CNTNAP3B: variants seen among roughly 807,000 people sequenced by gnomAD.
CNTNAP3B encodes the protein contactin-associated protein-like 3B.
CNTNAP3B carries 25 observed loss-of-function variants against 108.9 expected under a neutral mutation model. That is an observed-to-expected ratio of 0.23 (90% CI 0.17 to 0.32). The LOEUF is 0.32. Ranked by LOEUF, CNTNAP3B falls within the 10% of genes least tolerant of loss-of-function variation. The pLI, the probability that CNTNAP3B is intolerant of heterozygous loss-of-function variation, is 1.00. For synonymous variants in CNTNAP3B, 103 were observed against 473.4 expected (o/e 0.22, Z 10.16); for missense variants, 252 against 1,210.4 (o/e 0.21, Z 11.75).
rs1178007140 is a variant in CNTNAP3B at position 41,973,026 on chromosome 9, C to A, written c.1478-2781G>T. On this transcript the variant is annotated intron_variant, in intron 9 of 23. Coordinates refer to ENST00000377561, the MANE Select transcript of CNTNAP3B (RefSeq NM_001201380.3). Reference sequence around the variant, plus strand: ...GATCTCTGCTCACTGCAAGCTCCACCACCCAGGTTCACAGCATTCTCCTGC... The same window carrying A: ...GATCTCTGCTCACTGCAAGCTCCACAACCCAGGTTCACAGCATTCTCCTGC... Among the ~76,000 whole-genome samples the A allele has an allele frequency of 1.8e-3, 241 of 133,664 alleles. 1 individual carries two copies. Among genetic ancestry groups the A allele is most frequent in the African/African-American group, 6.2e-3 (211 of 34,202 alleles). 87.7% of individuals were successfully genotyped at this position (133,664 alleles called of 152,430 possible). A position where few individuals can be genotyped will look rare whatever the true frequency, so the allele number is the denominator to read the frequency against.
chr9:42,036,103 G>A (rs533898425), intron 3 of CNTNAP3B, among the ~76,000 whole-genome samples: 73 of 149,684 alleles, frequency 4.9e-4, no homozygotes, highest in Middle Eastern at 3.4e-3. Context: ...GGGAGACTCC[G>A]TCTCAAAAAA....
rs1383582979 is a variant in CNTNAP3B at position 42,095,997 on chromosome 9, T to C, written c.196+8632A>G. ...ACAACGTTTTGGTGACCCTTTCTCC[T>C]CCCTCTGCCAGACCTCAGGCAGGAA... On this transcript the variant is annotated intron_variant, in intron 2 of 23. Transcript: ENST00000377561. Among the ~76,000 whole-genome samples, 9 of 138,502 alleles carry C rather than the reference T, an allele frequency of 6.5e-5. 2 individuals carry two copies. Among genetic ancestry groups the C allele is most frequent in the Non-Finnish European group, 1.1e-4 (7 of 64,656 alleles). 90.9% of individuals were successfully genotyped at this position (138,502 alleles called of 152,430 possible).
At chr9:41,934,112 T>TATATATATATATATATACATAC (rs1206776352) in intron 14 of CNTNAP3B, among the ~76,000 whole-genome samples, 2 of 126,348 alleles carry the variant, frequency 1.6e-5, no homozygotes, top group African/African-American at 6.0e-5. Context: ...TATATATATA[T>TATATATATATATATATACATAC]ATATATATAT....
chr9:42,115,138 T>C lies in CNTNAP3B; in HGVS notation c.86-10399A>G, dbSNP rs1208863155. ...AAAGTGAGTTAAAGCCCAGAACACA[T>C]TAAGACTTTCAAACATTGCTAAATG... On this transcript the variant is annotated intron_variant, in intron 1 of 23. Transcript: ENST00000377561. Among the ~76,000 whole-genome samples, 5 of 138,082 alleles carry C rather than the reference T, an allele frequency of 3.6e-5. 2 individuals carry two copies. The highest frequency in any genetic ancestry group is 1.4e-4 in the African/African-American group (5 of 34,692). The allele number at this position is 138,082 out of a possible 152,430, so 90.6% of individuals were successfully genotyped here. A position where few individuals can be genotyped will look rare whatever the true frequency, so the allele number is the denominator to read the frequency against.
chr9:42,066,653 T>C (rs1827271533), intron 3 of CNTNAP3B, among the ~76,000 whole-genome samples: 1 of 130,876 alleles, frequency 7.6e-6, no homozygotes, highest in African/African-American at 3.1e-5. Context: ...GGTCTCAAAC[T>C]CCTGACATCA....
At position 42,038,548 on chromosome 9, in the gene CNTNAP3B, G is replaced by A. The variant is rs189661274; in HGVS notation, c.391-25023C>T. Among the ~76,000 whole-genome samples, 4 of 122,238 alleles carry A rather than the reference G, an allele frequency of 3.3e-5. 1 individual carries two copies. Among genetic ancestry groups the A allele is most frequent in the Admixed American group, 1.7e-4 (2 of 12,020 alleles). 80.2% of individuals were successfully genotyped at this position (122,238 alleles called of 152,430 possible). A position where few individuals can be genotyped will look rare whatever the true frequency, so the allele number is the denominator to read the frequency against. On this transcript the variant is annotated intron_variant, in intron 3 of 23. Transcript: ENST00000377561. ...GAGACAAAGAAGGCCATTACATAAC[G>A]GTAAAGGGACCAATTCAACAAGAAC...
intron 18 of CNTNAP3B, among the ~76,000 whole-genome samples, chr9:41,916,155 C>T (rs1476460550): frequency 8.2e-5 from 12 of 147,178 alleles, no homozygotes; most frequent in African/African-American, 2.8e-4. Context: ...ATTTCTAGTT[C>T]TCTTTCTTTG....
intron 9 of CNTNAP3B, among the ~76,000 whole-genome samples, chr9:41,971,079 C>CA: frequency 7.1e-6 from 1 of 140,358 alleles, no homozygotes; most frequent in Non-Finnish European, 1.5e-5. Flanking sequence ...TTACAAATGG[C>CA]AATGCTTATG....
intron 14 of CNTNAP3B, among the ~76,000 whole-genome samples, chr9:41,932,707 A>G (rs1824017184): frequency 6.6e-6 from 1 of 152,002 alleles, no homozygotes; most frequent in African/African-American, 2.4e-5. Flanking sequence ...TTTAGTATAG[A>G]CGGGGTTTCA....
chr9:41,944,540 G>A (rs1824465425), intron 13 of CNTNAP3B, among the ~76,000 whole-genome samples: 2 of 152,396 alleles, frequency 1.3e-5, no homozygotes, highest in South Asian at 4.1e-4. Flanking sequence ...ACCAAGAAAT[G>A]TAATTAATAT....
chr9:41,924,926 C>A (rs1243346269), intron 15 of CNTNAP3B, among the ~76,000 whole-genome samples: 8 of 152,154 alleles, frequency 5.3e-5, no homozygotes, highest in African/African-American at 1.9e-4. Context: ...CTGACATACT[C>A]ATGATTGGAT....
chr9:42,109,249 A>G (rs1474856180), intron 1 of CNTNAP3B, among the ~76,000 whole-genome samples: 4 of 142,064 alleles, frequency 2.8e-5, no homozygotes, highest in African/African-American at 1.1e-4. Context: ...TAAACAGAAG[A>G]GCAAAATATT....
In CNTNAP3B at chr9:42,103,687, A is replaced by C. The variant is rs1166063374; in HGVS notation, c.196+942T>G. The stretch of plus-strand genomic sequence containing the variant: ...GAGGCAGAGCTTGCAGTGAGCTGAG[A>C]TTGCACCACCGCACTCCAGCCTGGG... On this transcript the variant is annotated intron_variant, in intron 2 of 23. Transcript: ENST00000377561. Among the ~76,000 whole-genome samples, 17 of 93,296 alleles carry C rather than the reference A, an allele frequency of 1.8e-4. 3 individuals are homozygous for C. Among genetic ancestry groups the C allele is most frequent in the Non-Finnish European group, 3.1e-4 (14 of 44,682 alleles). 61.2% of individuals were successfully genotyped at this position (93,296 alleles called of 152,430 possible).
intron 13 of CNTNAP3B, among the ~76,000 whole-genome samples, chr9:41,940,227 A>G (rs896291205): frequency 6.6e-6 from 1 of 152,306 alleles, no homozygotes; most frequent in Non-Finnish European, 1.5e-5. Context: ...GGTGAAAGAT[A>G]CAAACCCACA....
Position 42,010,466 on chromosome 9 carries a change from G to A in CNTNAP3B, c.538+2912C>T, listed in dbSNP as rs557331630. On this transcript the variant is annotated intron_variant, in intron 4 of 23. Transcript: ENST00000377561. ...AGATAGATGCGTCAAGGACTTATAG[G>A]GTTCTGGCCTAAGATTCTGGGAGTT... Among the ~76,000 whole-genome samples, 128 of 139,850 alleles carry A rather than the reference G, an allele frequency of 9.2e-4. 13 individuals are homozygous for A. Among genetic ancestry groups the A allele is most frequent in the South Asian group, 2.5e-3 (11 of 4,350 alleles). 91.7% of individuals were successfully genotyped at this position (139,850 alleles called of 152,430 possible).
chr9:41,955,091 A>G (rs1228036639), intron 12 of CNTNAP3B, among the ~76,000 whole-genome samples: 1 of 150,524 alleles, frequency 6.6e-6, no homozygotes, highest in Non-Finnish European at 1.5e-5. Context: ...CCTATGGAAC[A>G]CTAAGTTGGG....
rs375178219 is a variant in CNTNAP3B, at chr9:42,110,273, G to A, written c.86-5534C>T. 1.6e-4 allele frequency among the ~76,000 whole-genome samples: 22 copies of A among 135,964 alleles called. 2 individuals are homozygous for A. The highest frequency in any genetic ancestry group is 3.6e-3 in the Middle Eastern group (1 of 278). 89.2% of individuals were successfully genotyped at this position (135,964 alleles called of 152,430 possible). A position where few individuals can be genotyped will look rare whatever the true frequency, so the allele number is the denominator to read the frequency against. On this transcript the variant is annotated intron_variant, in intron 1 of 23. Transcript: ENST00000377561. Reference sequence around the variant, plus strand: ...CTCAATTCCTTCTGAGAAGGGCTTCGTGATGCTAAGCCACTCTGCCAGGCT... The same window carrying A: ...CTCAATTCCTTCTGAGAAGGGCTTCATGATGCTAAGCCACTCTGCCAGGCT...
Position 42,075,342 on chromosome 9 carries a change from T to G in CNTNAP3B, c.390+1527A>C, listed in dbSNP as rs1425709605. On this transcript the variant is annotated intron_variant, in intron 3 of 23. Transcript: ENST00000377561. Reference sequence around the variant, plus strand: ...TGGGAAACCACAAGTCAATCCAGGATAGAGATGCAGGGATGAAAGGCAGGC... The same window carrying G: ...TGGGAAACCACAAGTCAATCCAGGAGAGAGATGCAGGGATGAAAGGCAGGC... 2.1e-5 allele frequency among the ~76,000 whole-genome samples: 3 copies of G among 142,304 alleles called. No individual in the cohort carries two copies. The East Asian group carries it at 6.3e-4, about 30-fold the overall frequency. 93.4% of individuals were successfully genotyped at this position (142,304 alleles called of 152,430 possible). A position where few individuals can be genotyped will look rare whatever the true frequency, so the allele number is the denominator to read the frequency against.
chr9:42,001,510 C>T (rs1161784307), intron 4 of CNTNAP3B, among the ~76,000 whole-genome samples: 2 of 137,410 alleles, frequency 1.5e-5, no homozygotes, highest in African/African-American at 2.9e-5. Context: ...TCCAGTAACA[C>T]ATTTAATATA....
Sources: allele counts gnomAD v4.1 joint callset (sites outside exome capture counted in the v4.1 genomes callset), GRCh38; gene constraint gnomAD v4.1.1; transcripts MANE v1.5; gene names NCBI Gene and HGNC (gene_info 2026-07-23, HGNC 2026-07-21).